The following CHN2 variants were observed in gnomAD, a reference collection of about 807,000 sequenced individuals.
CHN2 encodes beta-chimaerin.
A neutral mutation model predicts 56.3 loss-of-function variants in CHN2; 35 were observed. That is an observed-to-expected ratio of 0.62 (90% confidence interval 0.47 to 0.82). The LOEUF is 0.82. Among genes scored for constraint, CHN2 ranks in the 40% least tolerant of loss-of-function variants. The pLI, the probability that CHN2 is intolerant of heterozygous loss-of-function variation, is 0.00. For missense variants in CHN2, 491 were observed against 580.5 expected (o/e 0.85, Z 1.58); for synonymous variants, 210 against 212.8 (o/e 0.99, Z 0.12).
chr7:29,302,468 C>T (rs992001177), intron 1 of CHN2, among the ~76,000 whole-genome samples: 1 of 150,088 alleles, frequency 6.7e-6, no homozygotes, highest in African/African-American at 2.5e-5. Context: ...GGAGTACAGG[C>T]ATGTGCCATC....
At chr7:29,510,417 C>T (rs569282303) in intron 12 of CHN2, among the ~76,000 whole-genome samples, 1 of 152,226 alleles carries the variant, frequency 6.6e-6, no homozygotes, top group South Asian at 2.1e-4. Flanking sequence ...CCATCCTGGG[C>T]AACAGAATGA....
chr7:29,161,622 C>T (rs543678068), intron 2 of CHN2, among the ~76,000 whole-genome samples: 3 of 152,214 alleles, frequency 2.0e-5, no homozygotes, highest in South Asian at 2.1e-4. Flanking sequence ...TAGGTAACCA[C>T]GATGGGTAGA....
intron 2 of CHN2, among the ~76,000 whole-genome samples, chr7:29,175,908 C>T (rs1217588850): frequency 5.9e-5 from 9 of 152,216 alleles, no homozygotes; most frequent in South Asian, 2.1e-4. Flanking sequence ...AAAGACCAGA[C>T]GGGCGCGGTG....
chr7:29,183,756 A>G (rs1408297318), intron 2 of CHN2, among the ~76,000 whole-genome samples: 4 of 152,232 alleles, frequency 2.6e-5, no homozygotes, highest in African/African-American at 9.6e-5. Context: ...AGATATATGT[A>G]TAGGATATAT....
At chr7:29,291,696 A>G (rs1011475826) in intron 1 of CHN2, among the ~76,000 whole-genome samples, 8 of 152,168 alleles carry the variant, frequency 5.3e-5, no homozygotes, top group East Asian at 1.9e-4. Flanking sequence ...CCATGCTGCA[A>G]TGAACATTCT....
chr7:29,237,878 G>A (rs1168905750), intron 1 of CHN2, among the ~76,000 whole-genome samples: 4 of 152,158 alleles, frequency 2.6e-5, no homozygotes, highest in Admixed American at 1.3e-4. Context: ...ACGTGCTTCC[G>A]AGGGGCCAGG....
chr7:29,184,400 T>C (rs1401510770), intron 2 of CHN2: 2 of 152,062 alleles, frequency 1.3e-5, no homozygotes, highest in Non-Finnish European at 2.9e-5. Flanking sequence ...AAGAGAGATT[T>C]AGTATATGCA....
At chr7:29,381,042 G>A (rs1585212314) in intron 3 of CHN2, among the ~76,000 whole-genome samples, 1 of 152,168 alleles carries the variant, frequency 6.6e-6, no homozygotes, top group East Asian at 1.9e-4. Flanking sequence ...ATAATTGGAA[G>A]CTGGAGGAAC....
chr7:29,341,553 G>A (rs1215050553), intron 1 of CHN2, among the ~76,000 whole-genome samples: 1 of 151,862 alleles, frequency 6.6e-6, no homozygotes, highest in African/African-American at 2.4e-5. Flanking sequence ...GATATGCAGA[G>A]GATCCTTGAG....
intron 12 of CHN2, among the ~76,000 whole-genome samples, chr7:29,510,031 T>G (rs1039791833): frequency 3.9e-5 from 6 of 152,090 alleles, no homozygotes; most frequent in Non-Finnish European, 8.8e-5. Context: ...ACAAGCCCTG[T>G]ACTCTGTGTC....
At chr7:29,398,271 C>T (rs531727200) in intron 4 of CHN2, 102 bp from the exon 5 acceptor site, 97 of 817,642 alleles carry the variant, frequency 1.2e-4, no homozygotes, top group Middle Eastern at 1.0e-3. Context: ...AGTTGTGGGG[C>T]TGTCGATTCT....
At chr7:29,223,245 T>C (rs181803982) in intron 1 of CHN2, among the ~76,000 whole-genome samples, 5 of 152,246 alleles carry the variant, frequency 3.3e-5, no homozygotes, top group Admixed American at 2.0e-4. Flanking sequence ...GAGAAAATAA[T>C]TCACTCTGTC....
chr7:29,452,744 T>C (rs1048742501), intron 6 of CHN2, among the ~76,000 whole-genome samples: 9 of 152,250 alleles, frequency 5.9e-5, no homozygotes, highest in Admixed American at 4.6e-4. Flanking sequence ...TAAAGCTGAA[T>C]TGTCAATAGC....
At chr7:29,454,741 C>T (rs1244655608) in intron 6 of CHN2, among the ~76,000 whole-genome samples, 1 of 152,146 alleles carries the variant, frequency 6.6e-6, no homozygotes, top group East Asian at 1.9e-4. Flanking sequence ...GCCATCCTAA[C>T]TTCAGATGGA....
At chr7:29,455,785 C>G (rs1004101620) in intron 6 of CHN2, among the ~76,000 whole-genome samples, 1 of 152,146 alleles carries the variant, frequency 6.6e-6, no homozygotes, top group Non-Finnish European at 1.5e-5. Flanking sequence ...GTCTGAGGAC[C>G]GTGGTTTACC....
At chr7:29,162,388 G>A (rs956452497) in intron 2 of CHN2, among the ~76,000 whole-genome samples, 12 of 152,244 alleles carry the variant, frequency 7.9e-5, no homozygotes, top group Middle Eastern at 6.8e-3. Flanking sequence ...ATGGCCAGGC[G>A]TGGTGGCTCA....
chr7:29,478,943 A>G (rs1464774312), intron 6 of CHN2, among the ~76,000 whole-genome samples: 1 of 152,068 alleles, frequency 6.6e-6, no homozygotes, highest in Non-Finnish European at 1.5e-5. Context: ...ATCTTTGGTT[A>G]CTCTTCACAA....
chr7:29,480,492 T>C (rs537313616), intron 7 of CHN2, 136 bp downstream of exon 7: 1 of 914,710 alleles, frequency 1.1e-6, no homozygotes, highest in East Asian at 2.6e-5. Context: ...AGCTATAAGC[T>C]TAACACCTGC....
In CHN2 at chr7:29,252,586, T is replaced by TTTTGTTTTGTTTTG. The variant is rs1554378161; in HGVS notation, c.49+57599_49+57600insGTTTTGTTTTGTTT. On this transcript the variant is annotated intron_variant, in intron 1 of 12. Coordinates refer to ENST00000222792, the MANE Select transcript of CHN2 (RefSeq NM_004067.4). Reference sequence around the variant, plus strand: ...CTAAAATTGCATTCTTTGTTTTTTTTTTTTTTTTTTTTTTTTTTTTGAGAC... The same window carrying TTTTGTTTTGTTTTG: ...CTAAAATTGCATTCTTTGTTTTTTTTTTTGTTTTGTTTTGTTTTTTTTTTTTTTTTTTTTGAGAC... 1.5e-3 allele frequency among the ~76,000 whole-genome samples: 43 copies of TTTTGTTTTGTTTTG among 28,906 alleles called. 8 individuals carry two copies. Among genetic ancestry groups the TTTTGTTTTGTTTTG allele is most frequent in the African/African-American group, 7.4e-3 (24 of 3,260 alleles). 19.0% of individuals were successfully genotyped at this position (28,906 alleles called of 152,430 possible).
Sources: gnomAD v4.1 joint callset for allele counts (sites outside exome capture counted in the v4.1 genomes callset) on GRCh38, gnomAD v4.1.1 for gene constraint, MANE v1.5 for transcripts, NCBI Gene and HGNC (gene_info 2026-07-23, HGNC 2026-07-21) for gene names.